The following SND1 variants were observed in gnomAD, a reference collection of about 807,000 sequenced individuals.
SND1 encodes the protein staphylococcal nuclease domain-containing protein 1.
A neutral mutation model predicts 121.7 loss-of-function variants in SND1; 38 were observed. The observed-to-expected ratio is 0.31, with a 90% CI of 0.24 to 0.41. SND1 has a LOEUF of 0.41. Ranked by LOEUF, SND1 falls within the 10% of genes least tolerant of loss-of-function variation. SND1 has a pLI of 1.00. For missense variants in SND1, 868 were observed against 1,184.6 expected (o/e 0.73, Z 3.92); for synonymous variants, 401 against 447.4 (o/e 0.90, Z 1.31).
rs375112445 is a variant in SND1, at chr7:127,844,450, C to T, written c.1343+26C>T. On this transcript the variant is annotated intron_variant, in intron 12 of 23. Coordinates refer to ENST00000354725, the MANE Select transcript of SND1 (RefSeq NM_014390.4). ...GTGAGTGTTCTGGCTGGCATGGACTCAGCTGTCATCTCAAGTAGCTAAGAG... is the reference window on the plus strand; with the variant it reads ...GTGAGTGTTCTGGCTGGCATGGACTTAGCTGTCATCTCAAGTAGCTAAGAG... The T allele has an allele frequency of 3.2e-6, 5 of 1,556,564 alleles. No individual in the cohort carries two copies. In the East Asian group the frequency reaches 9.0e-5, roughly 28 times the overall value.
intron 10 of SND1, among the ~76,000 whole-genome samples, chr7:127,747,229 C>T (rs1022968566): frequency 3.9e-5 from 6 of 152,116 alleles, no homozygotes; most frequent in African/African-American, 9.7e-5. Flanking sequence ...ATTATAGAGA[C>T]GCTGGTGTGC....
chr7:127,848,994 T>C (rs1309768649), intron 12 of SND1, among the ~76,000 whole-genome samples: 1 of 152,214 alleles, frequency 6.6e-6, no homozygotes, highest in Non-Finnish European at 1.5e-5. Context: ...AAAATTTTTT[T>C]CTTGATTAAC....
chr7:127,869,359 A>G (rs1298799881), intron 12 of SND1, among the ~76,000 whole-genome samples: 3 of 152,172 alleles, frequency 2.0e-5, no homozygotes, highest in Non-Finnish European at 4.4e-5. Flanking sequence ...TAGGCTGTAC[A>G]TGGCCTTTGC....
At chr7:128,007,855 G>A (rs1563086885) in intron 16 of SND1, among the ~76,000 whole-genome samples, 1 of 152,164 alleles carries the variant, frequency 6.6e-6, no homozygotes, top group Non-Finnish European at 1.5e-5. Context: ...CTGAATTATA[G>A]CCTTTCATAG....
intron 21 of SND1, among the ~76,000 whole-genome samples, chr7:128,087,669 G>A (rs1038466581): frequency 1.3e-5 from 2 of 151,720 alleles, no homozygotes; most frequent in African/African-American, 4.9e-5. Context: ...CAGTTGGGGA[G>A]TGAGATGAGA....
chr7:127,822,809 C>G (rs1194010180), intron 11 of SND1, among the ~76,000 whole-genome samples: 3 of 152,168 alleles, frequency 2.0e-5, no homozygotes, highest in African/African-American at 7.2e-5. Flanking sequence ...GGTACTTTAT[C>G]ATTTAATATC....
intron 10 of SND1, among the ~76,000 whole-genome samples, chr7:127,804,818 C>T (rs1584585668): frequency 6.6e-6 from 1 of 151,898 alleles, no homozygotes; most frequent in African/African-American, 2.4e-5. Flanking sequence ...AGGTCAGTGT[C>T]GTTATTTTGT....
At position 127,923,518 on chromosome 7, in the gene SND1, TCA is replaced by T. The variant is rs566460397; in HGVS notation, c.1528-5669_1528-5668del. ...GTAACACAGGAGCTCGAGGGCATTCTCAGAGTATCCTCCCCCCGCAGGGTTCC... is the reference window on the plus strand; with the variant it reads ...GTAACACAGGAGCTCGAGGGCATTCTGAGTATCCTCCCCCCGCAGGGTTCC... On this transcript the variant is annotated intron_variant, in intron 14 of 23. Coordinates refer to ENST00000354725, the MANE Select transcript of SND1 (RefSeq NM_014390.4). 1.6e-3 allele frequency among the ~76,000 whole-genome samples: 250 copies of T among 152,306 alleles called. 1 individual carries two copies. Among genetic ancestry groups the T allele is most frequent in the African/African-American group, 5.7e-3 (235 of 41,574 alleles).
At chr7:128,011,878 G>C (rs1374034283) in intron 16 of SND1, among the ~76,000 whole-genome samples, 1 of 152,254 alleles carries the variant, frequency 6.6e-6, no homozygotes, top group Non-Finnish European at 1.5e-5. Flanking sequence ...AAGGGGGATA[G>C]AGATGAAGCA....
intron 16 of SND1, among the ~76,000 whole-genome samples, 156 bp from the exon 17 acceptor site, chr7:128,074,346 G>A (rs1793468478): frequency 6.6e-6 from 1 of 152,244 alleles, no homozygotes; most frequent in Non-Finnish European, 1.5e-5. Flanking sequence ...TCCCGTGAGA[G>A]GCTGAAATTG....
chr7:128,032,375 AGGGCGAGC>A (rs1282329274), intron 16 of SND1, among the ~76,000 whole-genome samples: 4 of 143,198 alleles, frequency 2.8e-5, no homozygotes, highest in Non-Finnish European at 4.6e-5. Context: ...GAGCGGGGCC[AGGGCGAGC>A]GGGCGAGCGA....
At chr7:127,954,364 T>G (rs1801545040) in intron 15 of SND1, among the ~76,000 whole-genome samples, 1 of 152,188 alleles carries the variant, frequency 6.6e-6, no homozygotes, top group Non-Finnish European at 1.5e-5. Flanking sequence ...GGAGCCCTTA[T>G]TATTACCTGC....
chr7:127,979,517 C>CAGAACAGGTGACTCTGGATGAATA (rs1173275341), intron 15 of SND1, among the ~76,000 whole-genome samples: 6 of 152,106 alleles, frequency 3.9e-5, no homozygotes, highest in Non-Finnish European at 8.8e-5. Context: ...AGGGCAGTTA[C>CAGAACAGGTGACTCTGGATGAATA]AGAACAGGTG....
At chr7:127,692,762 T>C (rs1241895172) in intron 2 of SND1, among the ~76,000 whole-genome samples, 1 of 152,244 alleles carries the variant, frequency 6.6e-6, no homozygotes, top group African/African-American at 2.4e-5. Flanking sequence ...AGGTTATTTT[T>C]TCTTACACGG....
intron 10 of SND1, among the ~76,000 whole-genome samples, chr7:127,763,442 G>A (rs1419082909): frequency 1.3e-5 from 2 of 152,072 alleles, no homozygotes; most frequent in Non-Finnish European, 2.9e-5. Context: ...GATGTTCTGG[G>A]CTCAAGAGAT....
At chr7:127,960,195 T>A (rs1028053070) in intron 15 of SND1, among the ~76,000 whole-genome samples, 1 of 152,246 alleles carries the variant, frequency 6.6e-6, no homozygotes, top group Non-Finnish European at 1.5e-5. Flanking sequence ...ACAGACACCC[T>A]GTTTTTCTTA....
At chr7:127,851,741 T>G (rs1287208835) in intron 12 of SND1, among the ~76,000 whole-genome samples, 1 of 152,252 alleles carries the variant, frequency 6.6e-6, no homozygotes, top group African/African-American at 2.4e-5. Flanking sequence ...TTTATTGATT[T>G]TTCTTTCAGC....
At chr7:127,656,353 C>T (rs1443763560) in intron 1 of SND1, among the ~76,000 whole-genome samples, 3 of 146,818 alleles carry the variant, frequency 2.0e-5, no homozygotes, top group East Asian at 2.0e-4. Flanking sequence ...GATGGAGTCT[C>T]GCTTTGTCGC....
intron 2 of SND1, among the ~76,000 whole-genome samples, chr7:127,687,879 A>G (rs1291420288): frequency 1.3e-5 from 2 of 151,836 alleles, no homozygotes; most frequent in Non-Finnish European, 2.9e-5. Flanking sequence ...TTTTAGTAGA[A>G]AGGAGGTCTC....
Sources: gnomAD v4.1 joint callset for allele counts (sites outside exome capture counted in the v4.1 genomes callset) on GRCh38, gnomAD v4.1.1 for gene constraint, MANE v1.5 for transcripts, NCBI Gene and HGNC (gene_info 2026-07-23, HGNC 2026-07-21) for gene names.